The following NEGR1 variants were observed in gnomAD, a reference collection of about 807,000 sequenced individuals.
NEGR1 encodes IgLON family member 4.
NEGR1 carries 10 observed loss-of-function variants against 40.9 expected under a neutral mutation model. That is an observed-to-expected ratio of 0.24 (90% confidence interval 0.15 to 0.42). The LOEUF (loss-of-function observed/expected upper bound fraction) is 0.42, where lower values mean the gene tolerates loss of function less well. Among genes scored for constraint, NEGR1 ranks in the 10% least tolerant of loss-of-function variants. The pLI is 1.00. For missense variants in NEGR1, 352 were observed against 438.9 expected, an observed-to-expected ratio of 0.80 and a Z score of 1.77; for synonymous variants, 185 against 166.8, an observed-to-expected ratio of 1.11 and a Z score of -0.84.
At chr1:71,844,008 G>A (rs934910098) in intron 2 of NEGR1, among the ~76,000 whole-genome samples, 1 of 152,130 alleles carries the variant, frequency 6.6e-6, no homozygotes, top group African/African-American at 2.4e-5. Context: ...AATTGAACTG[G>A]AGAGGGAGGT....
intron 6 of NEGR1, among the ~76,000 whole-genome samples, chr1:71,428,654 AT>A (rs1487730116): frequency 6.7e-6 from 1 of 148,872 alleles, no homozygotes; most frequent in African/African-American, 2.4e-5. Flanking sequence ...ATATAAATTT[AT>A]TTTTTATTAT....
chr1:71,556,452 A>T (rs977591114), intron 6 of NEGR1, among the ~76,000 whole-genome samples: 3 of 151,592 alleles, frequency 2.0e-5, no homozygotes, highest in Non-Finnish European at 4.4e-5. Flanking sequence ...ATTAAGTCAA[A>T]CTGAATGCTA....
At chr1:72,142,215 T>G (rs1431586422) in intron 1 of NEGR1, among the ~76,000 whole-genome samples, 1 of 151,994 alleles carries the variant, frequency 6.6e-6, no homozygotes, top group East Asian at 1.9e-4. Context: ...TAATGCTTCG[T>G]TAAGGAGGTT....
intron 1 of NEGR1, among the ~76,000 whole-genome samples, chr1:72,019,093 AG>A (rs372617847): frequency 2.3e-3 from 345 of 152,282 alleles, no homozygotes; most frequent in African/African-American, 7.9e-3. Flanking sequence ...ACATGATGTA[AG>A]GAACAAGGGG....
At chr1:72,205,859 C>T (rs1288739358) in intron 1 of NEGR1, among the ~76,000 whole-genome samples, 3 of 148,330 alleles carry the variant, frequency 2.0e-5, no homozygotes, top group East Asian at 2.0e-4. Context: ...GGGAGGAGTG[C>T]TTGGGCCAGG....
intron 2 of NEGR1, among the ~76,000 whole-genome samples, chr1:71,813,753 G>T (rs186105002): frequency 6.6e-6 from 1 of 152,026 alleles, no homozygotes; most frequent in African/African-American, 2.4e-5. Context: ...TTGGTGTATA[G>T]GGATGCTTGT....
At chr1:72,106,145 G>C (rs962686669) in intron 1 of NEGR1, among the ~76,000 whole-genome samples, 2 of 151,978 alleles carry the variant, frequency 1.3e-5, no homozygotes, top group Non-Finnish European at 2.9e-5. Context: ...CAAAGTTAAA[G>C]AACATTTAAG....
chr1:71,460,310 C>G (rs115303815), intron 6 of NEGR1, among the ~76,000 whole-genome samples: 2,080 of 152,218 alleles, frequency 0.014, 41 homozygotes, highest in African/African-American at 0.048. Context: ...GACATTGTTT[C>G]TGTGATATGG....
intron 1 of NEGR1, among the ~76,000 whole-genome samples, chr1:72,134,757 G>A (rs1230746836): frequency 1.3e-5 from 2 of 150,118 alleles, no homozygotes; most frequent in African/African-American, 4.9e-5. Context: ...TATTTTTTGA[G>A]ATGGAGTTTC....
intron 1 of NEGR1, among the ~76,000 whole-genome samples, chr1:71,964,900 G>A (rs1440483768): frequency 1.3e-5 from 2 of 151,818 alleles, no homozygotes; most frequent in African/African-American, 4.8e-5. Context: ...TCAACTTGAG[G>A]AAACACTGGG....
rs113605724 is a variant in NEGR1, at chr1:71,644,214, C to T, written c.668-33068G>A. 5.1e-3 allele frequency among the ~76,000 whole-genome samples: 779 copies of T among 152,016 alleles called. 1 individual carries two copies. Among genetic ancestry groups the T allele is most frequent in the Middle Eastern group, 6.8e-3 (2 of 294 alleles). ...AGTTCCTCTCTAGCCACACCAGCTT[C>T]ACCTGTGGGTTTTAGCACTAGTTTT... On this transcript the variant is annotated intron_variant, in intron 4 of 6. Coordinates refer to ENST00000357731, the MANE Select transcript of NEGR1 (RefSeq NM_173808.3).
chr1:71,801,034 C>T (rs1657537423), intron 2 of NEGR1, among the ~76,000 whole-genome samples: 1 of 152,192 alleles, frequency 6.6e-6, no homozygotes, highest in Non-Finnish European at 1.5e-5. Flanking sequence ...TTTCCTACCA[C>T]CCTACAACGA....
chr1:71,510,968 A>T (rs1032516269), intron 6 of NEGR1, among the ~76,000 whole-genome samples: 3 of 152,216 alleles, frequency 2.0e-5, no homozygotes, highest in Admixed American at 6.5e-5. Flanking sequence ...ATGTCTCTCA[A>T]GGCATGATTT....
chr1:71,760,494 T>A (rs1490173906), intron 3 of NEGR1, among the ~76,000 whole-genome samples: 1 of 152,194 alleles, frequency 6.6e-6, no homozygotes, highest in Non-Finnish European at 1.5e-5. Context: ...ATTATTGGTG[T>A]GCAGTCTTAT....
chr1:71,985,495 G>A (rs1254453338), intron 1 of NEGR1, among the ~76,000 whole-genome samples: 1 of 152,094 alleles, frequency 6.6e-6, no homozygotes. Context: ...TTGTACCACC[G>A]ATAAATCCCT....
intron 6 of NEGR1, among the ~76,000 whole-genome samples, chr1:71,423,226 C>G (rs926195721): frequency 1.3e-5 from 2 of 151,802 alleles, no homozygotes; most frequent in Non-Finnish European, 2.9e-5. Context: ...CCCATCTCTA[C>G]AAAAAATAAA....
rs1258990181 is a variant in NEGR1 at position 71,688,346 on chromosome 1, A to AT, written c.667+9661dup. 2.8e-4 allele frequency among the ~76,000 whole-genome samples: 36 copies of AT among 127,022 alleles called. 1 individual carries two copies. Among genetic ancestry groups the AT allele is most frequent in the South Asian group, 7.2e-4 (3 of 4,148 alleles). The allele number at this position is 127,022 out of a possible 152,430, so 83.3% of individuals were successfully genotyped here. On this transcript the variant is annotated intron_variant, in intron 4 of 6. Coordinates refer to ENST00000357731, the MANE Select transcript of NEGR1 (RefSeq NM_173808.3). ...TATATATAGATAGATAGATAGATAG[A>AT]TAGATAGATTATATATATATGAGAT...
intron 1 of NEGR1, among the ~76,000 whole-genome samples, chr1:71,946,074 G>A (rs1010143227): frequency 5.3e-5 from 8 of 151,792 alleles, no homozygotes; most frequent in Admixed American, 3.9e-4. Context: ...GGAGTGACAG[G>A]GTCTCACTCT....
At chr1:72,017,713 C>A (rs1569831032) in intron 1 of NEGR1, among the ~76,000 whole-genome samples, 1 of 149,216 alleles carries the variant, frequency 6.7e-6, no homozygotes. Context: ...TTTAATTAGT[C>A]ACAGTTTAAG....
Sources: gnomAD v4.1 joint callset for allele counts (sites outside exome capture counted in the v4.1 genomes callset) on GRCh38, gnomAD v4.1.1 for gene constraint, MANE v1.5 for transcripts, NCBI Gene and HGNC (gene_info 2026-07-23, HGNC 2026-07-21) for gene names.